SNX25: variants seen among roughly 807,000 people sequenced by gnomAD.
SNX25 encodes the protein sorting nexin-25.
Under a neutral mutation model 113.7 loss-of-function variants are expected in SNX25, and 62 were observed. The observed-to-expected ratio is 0.55, with a 90% CI of 0.44 to 0.67. The LOEUF is 0.67. Among genes scored for constraint, SNX25 ranks in the 30% least tolerant of loss-of-function variants. SNX25 has a pLI of 0.00. For synonymous variants in SNX25, 421 were observed against 436.2 expected (o/e 0.97, Z 0.43); for missense variants, 1,014 against 1,161.0 (o/e 0.87, Z 1.84).
chr4:185,217,641 T>C (rs762694397), intron 1 of SNX25, among the ~76,000 whole-genome samples: 51 of 152,198 alleles, frequency 3.4e-4, no homozygotes, highest in Non-Finnish European at 5.9e-4. Flanking sequence ...TAATTGACTG[T>C]TGCCTTCCTA....
At chr4:185,212,491 G>GTGTTTTTTT (rs546083196) in intron 1 of SNX25, among the ~76,000 whole-genome samples, 1 of 104,944 alleles carries the variant, frequency 9.5e-6, no homozygotes, top group African/African-American at 3.7e-5. Context: ...GTGTGTGTGT[G>GTGTTTTTTT]TTTTTTTTTT....
At chr4:185,208,169 C>T (rs960516316), upstream of SNX25, among the ~76,000 whole-genome samples, 10 of 152,002 alleles carry the variant, frequency 6.6e-5, no homozygotes, top group Admixed American at 5.2e-4. Context: ...AGTGCAATGG[C>T]GCGATGTCGG....
intron 6 of SNX25, among the ~76,000 whole-genome samples, chr4:185,298,086 G>T: frequency 1.7e-5 from 2 of 120,366 alleles, no homozygotes; most frequent in Non-Finnish European, 1.8e-5. Context: ...AACTATTATA[G>T]TAACTTCTTT....
chr4:185,369,091 G>C (rs186404842), intron 11 of SNX25, among the ~76,000 whole-genome samples: 1 of 151,942 alleles, frequency 6.6e-6, no homozygotes, highest in African/African-American at 2.4e-5. Context: ...ACGGTACCTG[G>C]ACTTTTTTTG....
chr4:185,248,758 G>T (rs1333414746), intron 2 of SNX25, among the ~76,000 whole-genome samples: 1 of 152,144 alleles, frequency 6.6e-6, no homozygotes, highest in Non-Finnish European at 1.5e-5. Context: ...TTTCATAAAT[G>T]TGCATAACTG....
intron 5 of SNX25, among the ~76,000 whole-genome samples, chr4:185,279,802 A>C (rs1287240183): frequency 6.6e-6 from 1 of 152,188 alleles, no homozygotes; most frequent in Non-Finnish European, 1.5e-5. Flanking sequence ...TGATGTACTT[A>C]TGACTCATAA....
intron 5 of SNX25, among the ~76,000 whole-genome samples, chr4:185,286,539 T>G (rs1751375835): frequency 6.6e-6 from 1 of 152,240 alleles, no homozygotes; most frequent in Admixed American, 6.5e-5. Context: ...CTGCGGAGGC[T>G]GCTTTTAGCC....
At chr4:185,239,763 ATT>A (rs200021607) in intron 1 of SNX25, among the ~76,000 whole-genome samples, 8 of 122,460 alleles carry the variant, frequency 6.5e-5, no homozygotes, top group African/African-American at 9.7e-5. Context: ...AATAAGGTGT[ATT>A]TTTTTTTTCT....
In SNX25 at chr4:185,232,680, C is replaced by G. The variant is rs2126415289; in HGVS notation, c.430-14614C>G. On this transcript the variant is annotated intron_variant, in intron 1 of 18. Transcript: ENST00000652585. The surrounding 1 kb of genome is among the most constrained non-coding windows in gnomAD (Gnocchi z 4.4). Reference sequence around the variant, plus strand: ...AAAAAAGCAATTCAACGTGACTCATCCAGTTGTTGAGTTACAGGACAGCTT... The same window carrying G: ...AAAAAAGCAATTCAACGTGACTCATGCAGTTGTTGAGTTACAGGACAGCTT... 6.6e-6 allele frequency among the ~76,000 whole-genome samples: 1 copy of G among 152,304 alleles called. No individual in the cohort carries two copies. The highest frequency in any genetic ancestry group is 2.1e-4 in the South Asian group (1 of 4,826).
chr4:185,233,059 G>A (rs1333265080), intron 1 of SNX25, among the ~76,000 whole-genome samples: 2 of 152,108 alleles, frequency 1.3e-5, no homozygotes, highest in Non-Finnish European at 2.9e-5. Flanking sequence ...TGAGGCGGGT[G>A]GATCACCTGA....
downstream of SNX25, chr4:185,373,105 G>A (rs918915876): frequency 6.4e-7 from 1 of 1,571,696 alleles, no homozygotes; most frequent in Non-Finnish European, 8.7e-7. Flanking sequence ...TTTCATCATT[G>A]TATTTGTGAT....
chr4:185,300,570 T>C (rs1341275581), intron 6 of SNX25, among the ~76,000 whole-genome samples: 1 of 152,076 alleles, frequency 6.6e-6, no homozygotes. Context: ...TGGACTCTTG[T>C]GGACTTCTCC....
chr4:185,278,590 T>TA (rs1446495251), intron 5 of SNX25, among the ~76,000 whole-genome samples: 1 of 152,162 alleles, frequency 6.6e-6, no homozygotes, highest in Non-Finnish European at 1.5e-5. Context: ...AGAAGGTAAA[T>TA]ACACTTTCAG....
At chr4:185,364,501 A>G (rs1302230304), downstream of SNX25, 1 of 152,238 alleles carries the variant, frequency 6.6e-6, no homozygotes, top group Non-Finnish European at 1.5e-5. Context: ...AATCCCTGAA[A>G]GATACTCCCC....
In SNX25 at chr4:185,236,922, A is replaced by G. The variant is rs908477789; in HGVS notation, c.430-10372A>G. Reference sequence around the variant, plus strand: ...TCACTGACAAGAAGGAAATGTACCAAAATGTTATTAGTGATCATCTGGATC... The same window carrying G: ...TCACTGACAAGAAGGAAATGTACCAGAATGTTATTAGTGATCATCTGGATC... On this transcript the variant is annotated intron_variant, in intron 1 of 18. Transcript: ENST00000652585. Among the ~76,000 whole-genome samples the G allele has an allele frequency of 2.0e-5, 3 of 152,214 alleles. No homozygotes were observed. In the South Asian group the frequency reaches 6.2e-4, roughly 31 times the overall value.
chr4:185,318,741 G>A (rs2095095085), intron 7 of SNX25, among the ~76,000 whole-genome samples: 1 of 152,138 alleles, frequency 6.6e-6, no homozygotes, highest in African/African-American at 2.4e-5. Context: ...CATCCCATAG[G>A]GTAGGGATTT....
At chr4:185,364,072 C>T (rs183824035), downstream of SNX25, 155 of 152,648 alleles carry the variant, frequency 1.0e-3, 2 homozygotes, top group Non-Finnish European at 4.1e-4. Flanking sequence ...ACACTATGTA[C>T]TTAACTACTT....
intron 3 of SNX25, among the ~76,000 whole-genome samples, chr4:185,262,931 A>G (rs1360746067): frequency 6.6e-6 from 1 of 152,228 alleles, no homozygotes; most frequent in Non-Finnish European, 1.5e-5. Flanking sequence ...GCTTTAAAGC[A>G]ATACTTGATG....
intron 1 of SNX25, among the ~76,000 whole-genome samples, chr4:185,221,007 C>T (rs1369003087): frequency 6.6e-6 from 1 of 151,798 alleles, no homozygotes; most frequent in African/African-American, 2.4e-5. Context: ...GCTGGGACTA[C>T]AGGTGGGTGC....
Sources: gnomAD v4.1 joint callset for allele counts (sites outside exome capture counted in the v4.1 genomes callset) on GRCh38, gnomAD v4.1.1 for gene constraint, Gnocchi (gnomAD v3.1) non-coding constraint, MANE v1.5 for transcripts, NCBI Gene and HGNC (gene_info 2026-07-23, HGNC 2026-07-21) for gene names.